The following BRD4 variants were observed in gnomAD, a reference collection of about 807,000 sequenced individuals.
The protein encoded by BRD4 is bromodomain-containing protein 4.
A neutral mutation model predicts 142.1 loss-of-function variants in BRD4; 16 were observed. The ratio of observed to expected loss-of-function variants is 0.11; its 90% confidence interval spans 0.08 to 0.17. The LOEUF is 0.17. Ranked by LOEUF, BRD4 falls within the 10% of genes least tolerant of loss-of-function variation. BRD4 has a pLI of 1.00. For missense variants in BRD4, 1,424 were observed against 1,810.9 expected (o/e 0.79, Z 3.88); for synonymous variants, 833 against 707.5 (o/e 1.18, Z -2.82).
intron 1 of BRD4, among the ~76,000 whole-genome samples, chr19:15,323,289 G>A (rs748323167): frequency 2.0e-5 from 3 of 149,436 alleles, no homozygotes; most frequent in Non-Finnish European, 3.0e-5. Flanking sequence ...ATGAAAAACT[G>A]AGGCTAGAGT....
chr19:15,239,739 C>T lies in BRD4; in HGVS notation c.3365G>A (p.Ser1122Asn), dbSNP rs1314825758. 6.2e-6 allele frequency: 10 copies of T among 1,606,968 alleles called. No individual in the cohort carries two copies. The highest frequency in any genetic ancestry group is 2.2e-5 in the South Asian group (2 of 91,052). ...CCGCAGCGAGGGGCTGAAGGGCTCGCTGCGGATGATGGGTGAGTGGATCTT... is the reference window on the plus strand; with the variant it reads ...CCGCAGCGAGGGGCTGAAGGGCTCGTTGCGGATGATGGGTGAGTGGATCTT... ...EEKIHSPIIRSEPFSPSLRPE... is the reference protein window; with the variant it reads ...EEKIHSPIIRNEPFSPSLRPE... Residue 1122 changes from serine (S) to asparagine (N), a missense_variant, in exon 16 of 20, where the codon AGC (serine) becomes AAC (asparagine). Physicochemically the swap from Ser to Asn is conservative, Grantham distance 46. This residue lies in a region of BRD4 where 598 missense variants were observed against 647.8 expected (regional missense o/e 0.92). Transcript: ENST00000679869. This position sits in a 1 kb window ranked among gnomAD's most constrained non-coding sequence, Gnocchi z 7.4.
At chr19:15,287,590 T>C (rs1271595052) in intron 1 of BRD4, among the ~76,000 whole-genome samples, 1 of 151,864 alleles carries the variant, frequency 6.6e-6, no homozygotes, top group Admixed American at 6.6e-5. Context: ...AACCCATATA[T>C]CCACTAAACA....
rs556089931 is a variant in BRD4 at position 15,301,568 on chromosome 19, A to G, written c.-34-28435T>C. On this transcript the variant is annotated intron_variant, in intron 1 of 19. Coordinates refer to ENST00000679869, the MANE Select transcript of BRD4 (RefSeq NM_001379291.1). ...ACAGAGCAAGACTACGTCTCAAAACAAAAAAAAAAAAGGCTGGGTGCAGTG... is the reference window on the plus strand; with the variant it reads ...ACAGAGCAAGACTACGTCTCAAAACGAAAAAAAAAAAGGCTGGGTGCAGTG... 1.1e-3 allele frequency among the ~76,000 whole-genome samples: 141 copies of G among 131,468 alleles called. 1 individual carries two copies. The highest frequency in any genetic ancestry group is 9.2e-3 in the Middle Eastern group (2 of 218). 86.2% of individuals were successfully genotyped at this position (131,468 alleles called of 152,430 possible).
rs1203667877 is a variant in BRD4 at position 15,302,445 on chromosome 19, TGG to T, written c.-34-29314_-34-29313del. Reference sequence around the variant, plus strand: ...AACAGAGCAGTTCGGCCACGCACGGTGGCTCACGAGGTCAACAGATCAAGGCC... The same window carrying T: ...AACAGAGCAGTTCGGCCACGCACGGTCTCACGAGGTCAACAGATCAAGGCC... On this transcript the variant is annotated intron_variant, in intron 1 of 19. Coordinates refer to ENST00000679869, the MANE Select transcript of BRD4 (RefSeq NM_001379291.1). Among the ~76,000 whole-genome samples, 443 of 152,120 alleles carry T rather than the reference TGG, an allele frequency of 2.9e-3. 4 individuals carry two copies. The highest frequency in any genetic ancestry group is 0.01 in the African/African-American group (419 of 41,550).
At chr19:15,331,411 A>C (rs2048157045) in intron 1 of BRD4, among the ~76,000 whole-genome samples, 1 of 152,094 alleles carries the variant, frequency 6.6e-6, no homozygotes. Flanking sequence ...CCAAATCACC[A>C]CAATCACCAC....
intron 9 of BRD4, 29 bp downstream of exon 9, chr19:15,256,035 C>T: frequency 6.2e-7 from 1 of 1,608,482 alleles, no homozygotes; most frequent in Non-Finnish European, 8.5e-7. Context: ...GGAGGGTCCC[C>T]ACCCAGGACA....
intron 14 of BRD4, 103 bp from the exon 15 acceptor site, chr19:15,240,125 G>A: frequency 2.1e-6 from 3 of 1,454,066 alleles, no homozygotes; most frequent in Non-Finnish European, 2.7e-6. Flanking sequence ...GAAACTGCAT[G>A]TGCCGCCCAG....
intron 5 of BRD4, among the ~76,000 whole-genome samples, chr19:15,264,988 A>C (rs762343855): frequency 3.7e-4 from 56 of 152,188 alleles, no homozygotes; most frequent in Non-Finnish European, 7.2e-4. Context: ...AGAAAGCATA[A>C]AACTGTGTGC....
Position 15,239,622 on chromosome 19 carries a change from G to T in BRD4, c.3445+37C>A. ...CTTATGTCCAACACGGGCCTCGGGG[G>T]GCCTGAGCCCTGGCTGTGGGCAGGG... is the stretch of plus-strand genomic sequence containing the variant. On this transcript the variant is annotated intron_variant, in intron 16 of 19. Coordinates refer to ENST00000679869, the MANE Select transcript of BRD4 (RefSeq NM_001379291.1). The surrounding 1 kb of genome is among the most constrained non-coding windows in gnomAD (Gnocchi z 7.4). 1 of 1,558,422 alleles carries T rather than the reference G, an allele frequency of 6.4e-7. No individual in the cohort carries two copies. The highest frequency in any genetic ancestry group is 2.2e-5 in the East Asian group (1 of 44,536).
At position 15,239,951 on chromosome 19, in the gene BRD4, G is replaced by A; in HGVS notation, c.3241C>T (p.His1081Tyr). 6.2e-7 allele frequency: 1 copy of A among 1,614,068 alleles called. No homozygotes were observed. ...PQMSQFQSLT[H>Y]QSPPQQNVQP... ...ACGTTTTGCTGGGGTGGAGACTGGT[G>A]GGTCAGGCTCTGGAACTGTGACATC... is the stretch of plus-strand genomic sequence containing the variant. The change falls in exon 15 of 20, where the codon CAC becomes TAC. Residue 1081 changes from histidine (H) to tyrosine (Y), a missense_variant. Around this residue, in one of 16 missense-constraint regions of BRD4, gnomAD observed 598 missense variants for 647.8 expected, o/e 0.92. Transcript: ENST00000679869. This position sits in a 1 kb window ranked among gnomAD's most constrained non-coding sequence, Gnocchi z 7.4.
chr19:15,328,767 C>G (rs1455690716), intron 1 of BRD4, among the ~76,000 whole-genome samples: 1 of 152,106 alleles, frequency 6.6e-6, no homozygotes, highest in Non-Finnish European at 1.5e-5. Flanking sequence ...ATCCAACTTA[C>G]ATTCTGGTTT....
intron 11 of BRD4, among the ~76,000 whole-genome samples, chr19:15,252,349 G>C (rs1363848719): frequency 3.3e-5 from 5 of 152,204 alleles, no homozygotes; most frequent in Non-Finnish European, 7.3e-5. Context: ...TCAGCATCTG[G>C]GGTTTCCACT....
At chr19:15,258,874 C>A (rs999457308) in intron 7 of BRD4, among the ~76,000 whole-genome samples, 1 of 152,204 alleles carries the variant, frequency 6.6e-6, no homozygotes, top group African/African-American at 2.4e-5. Flanking sequence ...GGATTACAGG[C>A]ATGAGCCACT....
chr19:15,270,805 A>C (rs2047579030), intron 2 of BRD4, among the ~76,000 whole-genome samples: 1 of 152,158 alleles, frequency 6.6e-6, no homozygotes, highest in South Asian at 2.1e-4. Context: ...GCTCCTGATC[A>C]AGCATCCCCT....
intron 1 of BRD4, among the ~76,000 whole-genome samples, chr19:15,317,787 C>G (rs973358647): frequency 1.3e-5 from 2 of 152,176 alleles, no homozygotes; most frequent in African/African-American, 4.8e-5. Context: ...CTCAAAAGGG[C>G]CCAATAGAGA....
At chr19:15,291,668 T>C (rs1763308694) in intron 1 of BRD4, among the ~76,000 whole-genome samples, 1 of 152,194 alleles carries the variant, frequency 6.6e-6, no homozygotes, top group Non-Finnish European at 1.5e-5. Flanking sequence ...TATATAACTA[T>C]TTTGAACACA....
intron 11 of BRD4, among the ~76,000 whole-genome samples, chr19:15,251,338 T>A (rs2047341425): frequency 2.0e-5 from 3 of 150,302 alleles, no homozygotes; most frequent in African/African-American, 7.4e-5. Context: ...TGGTGATTCA[T>A]GTCTCAGGGC....
intron 11 of BRD4, chr19:15,253,701 C>A (rs773515332): frequency 5.0e-6 from 8 of 1,598,442 alleles, no homozygotes; most frequent in Non-Finnish European, 6.8e-6. Context: ...ACCAGCGAAG[C>A]ATCTCCCTGA....
intron 13 of BRD4, 106 bp from the exon 14 acceptor site, chr19:15,243,593 G>A (rs1330194588): frequency 2.1e-6 from 3 of 1,403,932 alleles, no homozygotes; most frequent in Non-Finnish European, 1.9e-6. Flanking sequence ...TCTCCTACTG[G>A]CCTCCCTCAA....
Sources: gnomAD v4.1 joint callset for allele counts (sites outside exome capture counted in the v4.1 genomes callset) on GRCh38, gnomAD v4.1.1 for gene constraint, gnomAD v4.1.1 regional missense constraint, Gnocchi (gnomAD v3.1) non-coding constraint, MANE v1.5 for transcripts, NCBI Gene and HGNC (gene_info 2026-07-23, HGNC 2026-07-21) for gene names.